Variants in UGT2B15 observed in about 807,000 individuals in gnomAD.
The protein encoded by UGT2B15 is UDP glucuronosyltransferase family 2 member B15.
A neutral mutation model predicts 45.9 loss-of-function variants in UGT2B15; 36 were observed. That is an observed-to-expected ratio of 0.78 (90% confidence interval 0.60 to 1.04). The LOEUF (loss-of-function observed/expected upper bound fraction) is 1.04, where lower values mean the gene tolerates loss of function less well. Ranked by LOEUF, UGT2B15 falls within the 50% of genes least tolerant of loss-of-function variation. The probability of loss-of-function intolerance (pLI) is 0.00; values close to 1 mark genes in which losing one functional copy is unlikely to be tolerated. For missense variants in UGT2B15, 617 were observed against 622.4 expected, an observed-to-expected ratio of 0.99 and a Z score of 0.09; for synonymous variants, 219 against 216.4, an observed-to-expected ratio of 1.01 and a Z score of -0.11.
chr4:68,662,170 G>T (rs1298232729), intron 3 of UGT2B15, among the ~76,000 whole-genome samples: 1 of 152,010 alleles, frequency 6.6e-6, no homozygotes, highest in Admixed American at 6.6e-5. Flanking sequence ...CACAAAGATT[G>T]TATAGATTAG....
chr4:68,669,515 A>G (rs897267159), intron 1 of UGT2B15, among the ~76,000 whole-genome samples: 18 of 152,138 alleles, frequency 1.2e-4, no homozygotes, highest in African/African-American at 4.3e-4. Context: ...TGCATTGATA[A>G]TTTTTCTAGA....
chr4:68,669,495 T>C (rs1733237231), intron 1 of UGT2B15, among the ~76,000 whole-genome samples: 1 of 152,122 alleles, frequency 6.6e-6, no homozygotes, highest in South Asian at 2.1e-4. Flanking sequence ...AGAAACAAAT[T>C]CCTCAATCCT....
intron 3 of UGT2B15, among the ~76,000 whole-genome samples, chr4:68,655,879 C>A (rs992225588): frequency 6.6e-6 from 1 of 152,068 alleles, no homozygotes; most frequent in Admixed American, 6.6e-5. Context: ...TATCTGAGAA[C>A]TGTCTCATAT....
chr4:68,666,752 A>ATATATAT (rs1553925091), intron 2 of UGT2B15, among the ~76,000 whole-genome samples: 4 of 127,860 alleles, frequency 3.1e-5, no homozygotes, highest in African/African-American at 9.0e-5. Flanking sequence ...ATATATATAT[A>ATATATAT]TTTTTTTTTT....
intron 5 of UGT2B15, among the ~76,000 whole-genome samples, chr4:68,648,874 T>C (rs916567213): frequency 1.3e-5 from 2 of 152,078 alleles, no homozygotes; most frequent in African/African-American, 4.8e-5. Context: ...GAGTATTCAG[T>C]TGATTGACAA....
intron 2 of UGT2B15, among the ~76,000 whole-genome samples, chr4:68,667,249 GCTCCCAGA>G (rs996330956): frequency 7.3e-5 from 11 of 151,178 alleles, no homozygotes; most frequent in Non-Finnish European, 8.8e-5. Flanking sequence ...TGCAGCCTCT[GCTCCCAGA>G]CTCAAGCAAG....
rs1351455034 is a variant in UGT2B15, at chr4:68,668,191, G to A, written c.725-3C>T. The A allele has an allele frequency of 6.2e-7, 1 of 1,603,818 alleles. No individual in the cohort carries two copies. Among genetic ancestry groups the A allele is most frequent in the Admixed American group, 1.7e-5 (1 of 57,696 alleles). On this transcript the variant is annotated splice_polypyrimidine_tract_variant and splice_region_variant and intron_variant, in intron 1 of 5. Transcript: ENST00000338206. ...CTCAAATAATGTAGTGGGTCTTCCTGATGGAAAAAAACAAAACAAAACAAA... is the reference window on the plus strand; with the variant it reads ...CTCAAATAATGTAGTGGGTCTTCCTAATGGAAAAAAACAAAACAAAACAAA...
In UGT2B15 at chr4:68,655,150, A is replaced by T. The variant is rs1732768180; in HGVS notation, c.1038T>A (p.Asn346Lys). Residue 346 changes from asparagine to lysine, a missense_variant, in exon 4 of 6, where the codon AAT becomes AAA. By Grantham distance (94) the Asn-to-Lys change is moderately conservative. Around this residue, in one of 3 missense-constraint regions of UGT2B15, gnomAD observed 265 missense variants for 245.1 expected, o/e 1.08. Transcript: ENST00000338206. ...VLWRFDGKKPNTLGSNTRLYK... is the reference protein window; with the variant it reads ...VLWRFDGKKPKTLGSNTRLYK... ...ACAGTCGAGTATTGGAACCTAAAGT[A>T]TTTGGCTTCTTGCCATCAAATCTCC... The T allele has an allele frequency of 6.2e-7, 1 of 1,613,320 alleles. No homozygotes were observed. The highest frequency in any genetic ancestry group is 1.3e-5 in the African/African-American group (1 of 74,878).
chr4:68,660,779 G>C (rs138204102), intron 3 of UGT2B15, among the ~76,000 whole-genome samples: 2 of 151,492 alleles, frequency 1.3e-5, no homozygotes, highest in African/African-American at 4.9e-5. Context: ...ATTTTTCCTA[G>C]TTTGGAGTCA....
chr4:68,655,976 C>T (rs913814911), intron 3 of UGT2B15, among the ~76,000 whole-genome samples: 1 of 152,004 alleles, frequency 6.6e-6, no homozygotes, highest in African/African-American at 2.4e-5. Context: ...GTGCTTGGTA[C>T]CAGCATGAGC....
intron 4 of UGT2B15, among the ~76,000 whole-genome samples, chr4:68,654,805 A>G (rs1395049963): frequency 6.6e-6 from 1 of 152,032 alleles, no homozygotes; most frequent in Non-Finnish European, 1.5e-5. Context: ...CATAAATAGG[A>G]GACAGACAGA....
chr4:68,668,923 A>C (rs1733220628), intron 1 of UGT2B15, among the ~76,000 whole-genome samples: 1 of 151,562 alleles, frequency 6.6e-6, no homozygotes, highest in Non-Finnish European at 1.5e-5. Context: ...TGCAATAGTA[A>C]CAAATATACC....
At chr4:68,647,877 G>A (rs1732529845) in intron 5 of UGT2B15, among the ~76,000 whole-genome samples, 4 of 151,830 alleles carry the variant, frequency 2.6e-5, no homozygotes, top group African/African-American at 9.7e-5. Context: ...ACCATGCCTG[G>A]CTATATTTTT....
rs138079583 is a variant in UGT2B15 at position 68,657,353 on chromosome 4, T to C, written c.1006-2171A>G. 1.7e-4 allele frequency among the ~76,000 whole-genome samples: 26 copies of C among 152,188 alleles called. No homozygotes were observed. In the East Asian group the frequency reaches 5.0e-3, roughly 29 times the overall value. ...ATATGAGGGCAGATCACCCAGCATTTTGAGCCCTCTCAGAGGTCATACACC... is the reference window on the plus strand; with the variant it reads ...ATATGAGGGCAGATCACCCAGCATTCTGAGCCCTCTCAGAGGTCATACACC... On this transcript the variant is annotated intron_variant, in intron 3 of 5. Transcript: ENST00000338206.
At chr4:68,655,962 A>C (rs987986968) in intron 3 of UGT2B15, among the ~76,000 whole-genome samples, 1 of 152,064 alleles carries the variant, frequency 6.6e-6, no homozygotes, top group Non-Finnish European at 1.5e-5. Context: ...TAAATGTCCT[A>C]TCAGTGCTTG....
chr4:68,649,563 G>A (rs761583931), intron 5 of UGT2B15, among the ~76,000 whole-genome samples: 3 of 151,720 alleles, frequency 2.0e-5, no homozygotes, highest in Non-Finnish European at 4.4e-5. Context: ...TTACAGGTGT[G>A]AGCCACCACA....
Position 68,670,166 on chromosome 4 carries a change from T to G in UGT2B15, c.453A>C (p.Ala151=), listed in dbSNP as rs1437658308. The G allele has an allele frequency of 1.2e-6, 2 of 1,614,000 alleles. No individual in the cohort carries two copies. Among genetic ancestry groups the G allele is most frequent in the Admixed American group, 1.7e-5 (1 of 59,996 alleles). Residue 151 remains alanine, a synonymous_variant, in exon 1 of 6, where the codon GCA becomes GCC. Transcript: ENST00000338206. ...GCTCACCACAGGGATTAAGGGCATC[T>G]GCCAGAATGACATCAAACTTTGACT... ...LQESKFDVIL[A]DALNPCGELL...
chr4:68,668,052 T>C lies in UGT2B15; in HGVS notation c.861A>G (p.Lys287=). The change falls in exon 2 of 6, where the codon AAA becomes AAG. Residue 287 remains lysine (K), a synonymous_variant. Transcript: ENST00000338206. ...FVGGLHCKPA[K]PLPKEMEEFV... is the part of the protein sequence containing the mutation. ...AGAATACATTTACCTTAGGCAGGGG[T>C]TTGGCTGGTTTACAGTGAAGTCCTC... 1 of 1,613,412 alleles carries C rather than the reference T, an allele frequency of 6.2e-7. No individual in the cohort carries two copies. Among genetic ancestry groups the C allele is most frequent in the Non-Finnish European group, 8.5e-7 (1 of 1,179,774 alleles).
At chr4:68,669,214 C>G (rs1189340730) in intron 1 of UGT2B15, among the ~76,000 whole-genome samples, 1 of 152,072 alleles carries the variant, frequency 6.6e-6, no homozygotes, top group Non-Finnish European at 1.5e-5. Context: ...GATATGTGCT[C>G]TCCCTTAATT....
Sources: allele counts gnomAD v4.1 joint callset (sites outside exome capture counted in the v4.1 genomes callset), GRCh38; gene constraint gnomAD v4.1.1; regional missense constraint gnomAD v4.1.1; transcripts MANE v1.5; gene names NCBI Gene and HGNC (gene_info 2026-07-23, HGNC 2026-07-21).